Variants in TRIM37 observed in about 807,000 individuals in gnomAD.
TRIM37 encodes E3 ubiquitin-protein ligase TRIM37.
Under a neutral mutation model 129.8 loss-of-function variants are expected in TRIM37, and 80 were observed. That is an observed-to-expected ratio of 0.62 (90% confidence interval 0.51 to 0.74). TRIM37 has a LOEUF of 0.74. Among genes scored for constraint, TRIM37 ranks in the 30% least tolerant of loss-of-function variants. TRIM37 has a pLI of 0.00. For synonymous variants in TRIM37, 389 were observed against 387.1 expected (o/e 1.00, Z -0.06); for missense variants, 1,054 against 1,176.5 (o/e 0.90, Z 1.52).
intron 16 of TRIM37, among the ~76,000 whole-genome samples, chr17:59,043,718 C>T (rs2039490374): frequency 6.6e-6 from 1 of 152,156 alleles, no homozygotes; most frequent in East Asian, 1.9e-4. Flanking sequence ...ATCATCCCTG[C>T]CCCAGCTTAT....
chr17:59,102,711 G>A (rs534622656), intron 2 of TRIM37, among the ~76,000 whole-genome samples: 1 of 152,252 alleles, frequency 6.6e-6, no homozygotes, highest in East Asian at 1.9e-4. Context: ...TTCTGCGCAT[G>A]GTACAGTGAC....
chr17:58,997,881 G>T (rs901352187), downstream of TRIM37, among the ~76,000 whole-genome samples: 2 of 152,116 alleles, frequency 1.3e-5, no homozygotes, highest in Non-Finnish European at 2.9e-5. Context: ...AAGGAAGAGG[G>T]AAAACAGCGG....
intron 21 of TRIM37, among the ~76,000 whole-genome samples, chr17:59,014,598 C>G (rs1438053166): frequency 6.6e-6 from 1 of 150,832 alleles, no homozygotes; most frequent in Non-Finnish European, 1.5e-5. Flanking sequence ...GAGATAAAAG[C>G]AGAAAAGCAG....
intron 9 of TRIM37, among the ~76,000 whole-genome samples, chr17:59,070,204 T>C (rs1027228190): frequency 1.3e-5 from 2 of 152,206 alleles, no homozygotes; most frequent in Non-Finnish European, 2.9e-5. Context: ...AGGAATATGC[T>C]GTTCAGAAAA....
intron 2 of TRIM37, among the ~76,000 whole-genome samples, chr17:59,100,421 G>C (rs1022571077): frequency 1.3e-5 from 2 of 152,058 alleles, no homozygotes; most frequent in African/African-American, 4.8e-5. Flanking sequence ...GCAATAAAAA[G>C]GAATACTACT....
At chr17:59,068,798 G>A (rs1222923744) in intron 9 of TRIM37, among the ~76,000 whole-genome samples, 5 of 152,104 alleles carry the variant, frequency 3.3e-5, no homozygotes, top group African/African-American at 7.2e-5. Context: ...ATAGGACTGT[G>A]GCATCTATAA....
At chr17:59,101,266 T>C (rs572647991) in intron 2 of TRIM37, among the ~76,000 whole-genome samples, 28 of 152,224 alleles carry the variant, frequency 1.8e-4, no homozygotes, top group African/African-American at 6.7e-4. Context: ...TTGGATTTTA[T>C]CCTTTACATA....
At chr17:59,065,801 T>C (rs2041875616) in intron 9 of TRIM37, among the ~76,000 whole-genome samples, 1 of 152,214 alleles carries the variant, frequency 6.6e-6, no homozygotes, top group African/African-American at 2.4e-5. Flanking sequence ...TGCCACACTA[T>C]GATAGTGTCT....
chr17:59,015,888 A>G, intron 20 of TRIM37, 89 bp from the exon 21 acceptor site: 1 of 1,312,644 alleles, frequency 7.6e-7, no homozygotes, highest in Non-Finnish European at 1.1e-6. Context: ...TTGAAACACA[A>G]GGATCACTTG....
downstream of TRIM37, chr17:58,980,276 G>C: frequency 6.2e-7 from 1 of 1,614,212 alleles, no homozygotes; most frequent in Non-Finnish European, 8.5e-7. This position sits in a 1 kb window ranked among gnomAD's most constrained non-coding sequence, Gnocchi z 4.7. Context: ...AGATTGGACA[G>C]AGAACTCTTT....
At chr17:59,052,840 A>G (rs556355607) in intron 13 of TRIM37, among the ~76,000 whole-genome samples, 42 of 152,216 alleles carry the variant, frequency 2.8e-4, no homozygotes, top group African/African-American at 1.0e-3. Flanking sequence ...CTGTAATCCC[A>G]GCTACTCAGG....
At position 58,999,419 on chromosome 17, in the gene TRIM37, A is replaced by G; in HGVS notation, c.2853T>C (p.Pro951=). 1.9e-6 allele frequency: 3 copies of G among 1,613,882 alleles called. No individual in the cohort carries two copies. Among genetic ancestry groups the G allele is most frequent in the Non-Finnish European group, 2.5e-6 (3 of 1,179,898 alleles). The part of the protein sequence containing the change: ...SSFPDGEQIG[P]EDLSFNTDEN... ...CATCTGTATTGAAGCTGAGATCTTC[A>G]GGGCCTATTTGTTCACCATCAGGAA... Residue 951 remains proline, a synonymous_variant, in exon 24 of 24, where the codon CCT becomes CCC. Transcript: ENST00000262294.
intron 3 of TRIM37, among the ~76,000 whole-genome samples, chr17:59,090,655 C>G (rs1204197970): frequency 6.6e-6 from 1 of 152,008 alleles, no homozygotes; most frequent in Admixed American, 6.6e-5. Context: ...GGCTGGAGTG[C>G]AGTGGCGTGA....
At chr17:59,040,256 C>T (rs765871620) in intron 17 of TRIM37, among the ~76,000 whole-genome samples, 7 of 151,974 alleles carry the variant, frequency 4.6e-5, no homozygotes, top group Non-Finnish European at 1.0e-4. Flanking sequence ...CACCCTCATT[C>T]TGAATCCATG....
chr17:59,066,077 T>C (rs2041897614), intron 9 of TRIM37, among the ~76,000 whole-genome samples: 1 of 152,194 alleles, frequency 6.6e-6, no homozygotes, highest in African/African-American at 2.4e-5. Flanking sequence ...GATAACAGAT[T>C]AGAAGTCACA....
downstream of TRIM37, among the ~76,000 whole-genome samples, chr17:58,996,068 A>G (rs1262934035): frequency 6.6e-6 from 1 of 152,170 alleles, no homozygotes; most frequent in African/African-American, 2.4e-5. Context: ...TATCTGCCCC[A>G]AATATTTAGT....
Position 59,076,851 on chromosome 17 carries a change from C to T in TRIM37, c.617-1137G>A, listed in dbSNP as rs1014348854. On this transcript the variant is annotated intron_variant, in intron 7 of 23. Coordinates refer to ENST00000262294, the MANE Select transcript of TRIM37 (RefSeq NM_015294.6). ...TTGCCCAGGCTAGAATGCAATGGCA[C>T]GAACTCAGCTCACCGCAACCTTTGC... Among the ~76,000 whole-genome samples, 27 of 151,892 alleles carry T rather than the reference C, an allele frequency of 1.8e-4. 1 individual carries two copies. The highest frequency in any genetic ancestry group is 1.5e-3 in the South Asian group (7 of 4,800).
chr17:59,059,551 A>C (rs2041287179), intron 12 of TRIM37: 1 of 152,250 alleles, frequency 6.6e-6, no homozygotes, highest in African/African-American at 2.4e-5. Context: ...GGCTGGTCTC[A>C]AATTCCTGGT....
At position 59,042,304 on chromosome 17, in the gene TRIM37, A is replaced by G. The variant is rs553340161; in HGVS notation, c.1668-406T>C. 5.6e-4 allele frequency among the ~76,000 whole-genome samples: 84 copies of G among 148,728 alleles called. No individual in the cohort carries two copies. In the East Asian group the frequency reaches 0.016, roughly 28 times the overall value. ...ATCAGGAGAATGGCGTGAACCCAGG[A>G]GGCAAGCTTGCAGTGAGCCAAGATT... On this transcript the variant is annotated intron_variant, in intron 16 of 23. Coordinates refer to ENST00000262294, the MANE Select transcript of TRIM37 (RefSeq NM_015294.6).
Sources: allele counts gnomAD v4.1 joint callset (sites outside exome capture counted in the v4.1 genomes callset), GRCh38; gene constraint gnomAD v4.1.1; non-coding constraint Gnocchi (gnomAD v3.1); transcripts MANE v1.5; gene names NCBI Gene and HGNC (gene_info 2026-07-23, HGNC 2026-07-21).